Variants in TEDC2 observed in about 807,000 individuals in gnomAD.
TEDC2 encodes the protein tubulin epsilon and delta complex protein 2.
A neutral mutation model predicts 48.1 loss-of-function variants in TEDC2; 49 were observed. That is an observed-to-expected ratio of 1.02 (90% confidence interval 0.81 to 1.29). The LOEUF (loss-of-function observed/expected upper bound fraction) is 1.29, where lower values mean the gene tolerates loss of function less well. Ranked by LOEUF, TEDC2 falls within the 50% of genes most tolerant of loss-of-function variation. The pLI, the probability that TEDC2 is intolerant of heterozygous loss-of-function variation, is 0.00. For synonymous variants in TEDC2, 299 were observed against 247.1 expected, an observed-to-expected ratio of 1.21 and a Z score of -1.97; for missense variants, 631 against 571.4, an observed-to-expected ratio of 1.10 and a Z score of -1.06.
chr16:2,462,601 C>A, intron 7 of TEDC2, 30 bp from the exon 8 acceptor site: 1 of 1,537,372 alleles, frequency 6.5e-7, no homozygotes, highest in Non-Finnish European at 8.8e-7. Context: ...CTGCCACGGG[C>A]CCCACCTGCT....
chr16:2,460,177 C>A lies in TEDC2; in HGVS notation c.26+7C>A. On this transcript the variant is annotated splice_region_variant and intron_variant, in intron 1 of 9. Coordinates refer to ENST00000361837, the MANE Select transcript of TEDC2 (RefSeq NM_025108.3). ...CGGCGGGCTGCTCGCGCCGGTGAGGCCTGCGCGGCAGGAGGGGGTGGGAGG... is the reference window on the plus strand; with the variant it reads ...CGGCGGGCTGCTCGCGCCGGTGAGGACTGCGCGGCAGGAGGGGGTGGGAGG... 1 of 1,391,150 alleles carries A rather than the reference C, an allele frequency of 7.2e-7. No homozygotes were observed. The highest frequency in any genetic ancestry group is 3.0e-5 in the East Asian group (1 of 33,232). The allele number at this position is 1,391,150 out of a possible 1,614,324, so 86.2% of individuals were successfully genotyped here.
At chr16:2,463,622 G>A (rs8063921) in intron 8 of TEDC2, among the ~76,000 whole-genome samples, 3,523 of 146,756 alleles carry the variant, frequency 0.024, 126 homozygotes, top group African/African-American at 0.086. Flanking sequence ...GTGAGACTCC[G>A]TCTCCAAAAA....
chr16:2,463,754 T>C (rs537224952), intron 8 of TEDC2, among the ~76,000 whole-genome samples: 1 of 152,314 alleles, frequency 6.6e-6, no homozygotes, highest in East Asian at 1.9e-4. Flanking sequence ...TGCTTGAAGT[T>C]TTAAGAGTGA....
Position 2,460,348 on chromosome 16 carries a change from G to C in TEDC2, c.92G>C (p.Ser31Thr), listed in dbSNP as rs1294302469. 10 of 1,544,220 alleles carry C rather than the reference G, an allele frequency of 6.5e-6. No individual in the cohort carries two copies. The highest frequency in any genetic ancestry group is 3.9e-5 in the Admixed American group (2 of 50,934). ...CAGCGACAATTGCAATTGGAGCAGAGCCTGCGCGTTTGCCGTCGGCTGCTG... is the reference window on the plus strand; with the variant it reads ...CAGCGACAATTGCAATTGGAGCAGACCCTGCGCGTTTGCCGTCGGCTGCTG... ...CAQRQLQLEQSLRVCRRLLHA... is the reference protein window; with the variant it reads ...CAQRQLQLEQTLRVCRRLLHA... The change falls in exon 2 of 10, where the codon AGC becomes ACC. Residue 31 changes from serine (S) to threonine (T), a missense_variant. Ser to Thr is a moderately conservative substitution (Grantham distance 58, BLOSUM62 1). Transcript: ENST00000361837.
At position 2,460,365 on chromosome 16, in the gene TEDC2, C is replaced by T; in HGVS notation, c.109C>T (p.Arg37Trp). 1.9e-6 allele frequency: 3 copies of T among 1,544,650 alleles called. No individual in the cohort carries two copies. Among genetic ancestry groups the T allele is most frequent in the Middle Eastern group, 1.7e-4 (1 of 5,980 alleles). The change falls in exon 2 of 10, where the codon CGG becomes TGG. Residue 37 changes from arginine to tryptophan, a missense_variant. By Grantham distance (101) the Arg-to-Trp change is moderately radical. Coordinates refer to ENST00000361837, the MANE Select transcript of TEDC2 (RefSeq NM_025108.3). Reference sequence around the variant, plus strand: ...GGAGCAGAGCCTGCGCGTTTGCCGTCGGCTGCTGCATGCCTGGTACGCGGA... The same window carrying T: ...GGAGCAGAGCCTGCGCGTTTGCCGTTGGCTGCTGCATGCCTGGTACGCGGA... The part of the protein sequence containing the change: ...QLEQSLRVCR[R>W]LLHAWEPTGT...
At chr16:2,462,287 C>G (rs761209817) in intron 6 of TEDC2, 48 bp downstream of exon 6, 2 of 1,607,910 alleles carry the variant, frequency 1.2e-6, no homozygotes, top group Admixed American at 3.3e-5. Context: ...TAGCTCTGAA[C>G]CTGGCAGGTT....
chr16:2,462,042 C>G (rs1196061135), intron 5 of TEDC2, 107 bp from the exon 6 acceptor site: 1 of 1,300,952 alleles, frequency 7.7e-7, no homozygotes, highest in Admixed American at 2.0e-5. Flanking sequence ...GACGCCCAGC[C>G]TGGGGTCCCC....
chr16:2,461,343 C>A, intron 4 of TEDC2, 119 bp downstream of exon 4: 1 of 1,278,658 alleles, frequency 7.8e-7, no homozygotes, highest in Non-Finnish European at 1.0e-6. Flanking sequence ...CTGTGGCATA[C>A]CCCTGAGGCT....
chr16:2,462,097 A>G, intron 5 of TEDC2, 52 bp from the exon 6 acceptor site: 2 of 1,580,628 alleles, frequency 1.3e-6, no homozygotes, highest in Non-Finnish European at 8.7e-7. Flanking sequence ...TACTGGCTGG[A>G]ATAACCGTGT....
Position 2,464,946 on chromosome 16 carries a change from A to C in TEDC2, c.*278A>C. On this transcript the variant is annotated 3_prime_UTR_variant, in exon 10 of 10. Coordinates refer to ENST00000361837, the MANE Select transcript of TEDC2 (RefSeq NM_025108.3). ...CCAAAGAGCCGCTTGTGTGATATTA[A>C]AGCCACTTTAGAAAGCATTTGTGTT... 1 of 459,668 alleles carries C rather than the reference A, an allele frequency of 2.2e-6. No homozygotes were observed. The allele number at this position is 459,668 out of a possible 1,614,324, so 28.5% of individuals were successfully genotyped here.
Position 2,460,322 on chromosome 16 carries a change from A to C in TEDC2, c.66A>C (p.Ala22=), listed in dbSNP as rs1254394301. 1.3e-6 allele frequency: 2 copies of C among 1,539,714 alleles called. No individual in the cohort carries two copies. The highest frequency in any genetic ancestry group is 1.7e-4 in the Middle Eastern group (1 of 5,952). ...AELQGALDAC[A]QRQLQLEQSL... is the part of the protein sequence containing the mutation. The stretch of plus-strand genomic sequence containing the variant: ...TGCAGGGCGCCCTGGACGCCTGCGC[A>C]CAGCGACAATTGCAATTGGAGCAGA... Residue 22 remains alanine, a synonymous_variant, in exon 2 of 10, where the codon GCA becomes GCC. Coordinates refer to ENST00000361837, the MANE Select transcript of TEDC2 (RefSeq NM_025108.3).
intron 1 of TEDC2, 22 bp downstream of exon 1, chr16:2,460,192 G>A (rs566662488): frequency 9.9e-6 from 14 of 1,409,974 alleles, no homozygotes; most frequent in Middle Eastern, 2.5e-4. Context: ...GCGGCAGGAG[G>A]GGGTGGGAGG....
chr16:2,461,144 T>A lies in TEDC2; in HGVS notation c.525T>A (p.Pro175=), dbSNP rs375127774. The A allele has an allele frequency of 1.1e-4, 177 of 1,543,762 alleles. No homozygotes were observed. Among genetic ancestry groups the A allele is most frequent in the Non-Finnish European group, 1.5e-4 (169 of 1,144,316 alleles). Reference sequence around the variant, plus strand: ...GGATGGGAGCCCGAACCCCCAGGCCTGGGGCGGGCCTCAGGGACCAGCAAA... The same window carrying A: ...GGATGGGAGCCCGAACCCCCAGGCCAGGGGCGGGCCTCAGGGACCAGCAAA... ...RVGMGARTPR[P]GAGLRDQQMA... is the part of the protein sequence containing the mutation. Residue 175 remains proline, a synonymous_variant, in exon 4 of 10, where the codon CCT becomes CCA. Coordinates refer to ENST00000361837, the MANE Select transcript of TEDC2 (RefSeq NM_025108.3).
At chr16:2,461,266 C>T (rs1471576953) in intron 4 of TEDC2, 42 bp downstream of exon 4, 4 of 1,435,442 alleles carry the variant, frequency 2.8e-6, no homozygotes, top group African/African-American at 1.4e-5. Context: ...TCTGTCTCTG[C>T]CTCCTCAGAC....
Position 2,460,190 on chromosome 16 carries a change from AG to A in TEDC2, c.26+25del. ...GCGCCGGTGAGGCCTGCGCGGCAGGAGGGGGTGGGAGGATGCGGGCGGGCCG... is the reference window on the plus strand; with the variant it reads ...GCGCCGGTGAGGCCTGCGCGGCAGGAGGGGTGGGAGGATGCGGGCGGGCCG... On this transcript the variant is annotated intron_variant, in intron 1 of 9. Coordinates refer to ENST00000361837, the MANE Select transcript of TEDC2 (RefSeq NM_025108.3). The A allele has an allele frequency of 1.4e-5, 8 of 580,672 alleles. No individual in the cohort carries two copies. The highest frequency in any genetic ancestry group is 4.2e-5 in the South Asian group (2 of 47,934). The allele number at this position is 580,672 out of a possible 1,614,324, so 36.0% of individuals were successfully genotyped here. A position where few individuals can be genotyped will look rare whatever the true frequency, so the allele number is the denominator to read the frequency against.
At position 2,460,662 on chromosome 16, in the gene TEDC2, G is replaced by A. The variant is rs2065460341; in HGVS notation, c.165G>A (p.Gly55=). ...CCCGGGCTTTGAAGCCACCTCCAGGGCCAGAAACTAATGGAGAGGACCCCC... is the reference window on the plus strand; with the variant it reads ...CCCGGGCTTTGAAGCCACCTCCAGGACCAGAAACTAATGGAGAGGACCCCC... The part of the protein sequence containing the change: ...TGTRALKPPP[G]PETNGEDPLP... Residue 55 remains glycine, a synonymous_variant, in exon 3 of 10, where the codon GGG becomes GGA. Coordinates refer to ENST00000361837, the MANE Select transcript of TEDC2 (RefSeq NM_025108.3). 3.1e-6 allele frequency: 5 copies of A among 1,613,056 alleles called. No individual in the cohort carries two copies. Among genetic ancestry groups the A allele is most frequent in the Non-Finnish European group, 3.4e-6 (4 of 1,180,008 alleles).
At chr16:2,464,374 G>A in intron 9 of TEDC2, 145 bp downstream of exon 9, 1 of 1,325,750 alleles carries the variant, frequency 7.5e-7, no homozygotes, top group Non-Finnish European at 1.0e-6. Flanking sequence ...GAAGTGCATG[G>A]GTCAGACGGG....
Position 2,462,212 on chromosome 16 carries a change from C to G in TEDC2, c.723C>G (p.Thr241=). The G allele has an allele frequency of 6.2e-7, 1 of 1,613,436 alleles. No individual in the cohort carries two copies. The highest frequency in any genetic ancestry group is 8.5e-7 in the Non-Finnish European group (1 of 1,180,028). The change falls in exon 6 of 10, where the codon ACC becomes ACG. Residue 241 remains threonine (T), a synonymous_variant. Transcript: ENST00000361837. ...SDSTDAAAAK[T]QFLQNMQTAS... is the part of the protein sequence containing the mutation. Reference sequence around the variant, plus strand: ...CCACGGATGCCGCCGCTGCCAAAACCCAGTTCCTCCAGAACATGCAGACAG... The same window carrying G: ...CCACGGATGCCGCCGCTGCCAAAACGCAGTTCCTCCAGAACATGCAGACAG...
At chr16:2,461,674 C>T (rs981386863) in intron 4 of TEDC2, 73 bp from the exon 5 acceptor site, 50 of 1,573,844 alleles carry the variant, frequency 3.2e-5, no homozygotes, top group Non-Finnish European at 4.0e-5. Context: ...CCTGATTGGG[C>T]TCTGAGCAGG....
Sources: gnomAD v4.1 joint callset for allele counts (sites outside exome capture counted in the v4.1 genomes callset) on GRCh38, gnomAD v4.1.1 for gene constraint, MANE v1.5 for transcripts, NCBI Gene and HGNC (gene_info 2026-07-23, HGNC 2026-07-21) for gene names.